The following CFAP61 variants were observed in gnomAD, a reference collection of about 807,000 sequenced individuals.
The protein encoded by CFAP61 is cilia- and flagella-associated protein 61.
A neutral mutation model predicts 135.6 loss-of-function variants in CFAP61; 107 were observed. The ratio of observed to expected loss-of-function variants is 0.79; its 90% confidence interval spans 0.67 to 0.93. The LOEUF is 0.93. Ranked by LOEUF, CFAP61 falls within the 40% of genes least tolerant of loss-of-function variation. The probability of loss-of-function intolerance (pLI) is 0.00; values close to 1 mark genes in which losing one functional copy is unlikely to be tolerated. For missense variants in CFAP61, 1,507 were observed against 1,556.2 expected, an observed-to-expected ratio of 0.97 and a Z score of 0.53; for synonymous variants, 575 against 578.5, an observed-to-expected ratio of 0.99 and a Z score of 0.09.
intron 24 of CFAP61, among the ~76,000 whole-genome samples, chr20:20,297,246 G>A (rs567290988): frequency 3.9e-5 from 6 of 152,300 alleles, no homozygotes; most frequent in Non-Finnish European, 8.8e-5. Flanking sequence ...TGATGTCCAG[G>A]ACTAAGTAAA....
chr20:20,066,688 A>G (rs375111962), intron 2 of CFAP61, among the ~76,000 whole-genome samples: 5 of 150,654 alleles, frequency 3.3e-5, no homozygotes, highest in African/African-American at 1.2e-4. Context: ...GGTGGGGGCT[A>G]GGGGAGGGAT....
intron 9 of CFAP61, among the ~76,000 whole-genome samples, chr20:20,157,411 A>G (rs867633855): frequency 3.0e-4 from 45 of 152,212 alleles, no homozygotes; most frequent in African/African-American, 9.4e-4. Context: ...ATAGTGTAAT[A>G]TAGGTGCTAA....
At chr20:20,172,026 C>T (rs573922482) in intron 13 of CFAP61, 4 of 377,678 alleles carry the variant, frequency 1.1e-5, no homozygotes, top group African/African-American at 8.3e-5. Context: ...AACTTGGTTG[C>T]ATGGCCCTAC....
intron 25 of CFAP61, among the ~76,000 whole-genome samples, chr20:20,328,620 T>C (rs1310293599): frequency 6.6e-6 from 1 of 152,040 alleles, no homozygotes. Context: ...AGAGAAAGTA[T>C]TTGCAAACCA....
At position 20,070,836 on chromosome 20, in the gene CFAP61, T is replaced by C; in HGVS notation, c.144-18T>C. 6.2e-7 allele frequency: 1 copy of C among 1,605,764 alleles called. No individual in the cohort carries two copies. Among genetic ancestry groups the C allele is most frequent in the African/African-American group, 1.3e-5 (1 of 74,678 alleles). ...TTTGTAATCTTATTCATGTTTGCAA[T>C]TGTAATCATTTCTGCAGAGAAAAGG... On this transcript the variant is annotated intron_variant, in intron 2 of 26. Transcript: ENST00000245957.
chr20:20,097,518 A>C (rs1197082631), intron 7 of CFAP61, among the ~76,000 whole-genome samples: 1 of 152,248 alleles, frequency 6.6e-6, no homozygotes, highest in East Asian at 1.9e-4. Context: ...CCGTCTCTCC[A>C]TGTGGAATAT....
intron 24 of CFAP61, among the ~76,000 whole-genome samples, chr20:20,291,848 G>C (rs936625543): frequency 1.3e-5 from 2 of 152,170 alleles, no homozygotes; most frequent in African/African-American, 4.8e-5. Context: ...GCTTCCTTTT[G>C]GATATGTCAC....
rs149180655 is a variant in CFAP61, at chr20:20,182,506, C to T, written c.1386-5424C>T. On this transcript the variant is annotated intron_variant, in intron 13 of 26. Transcript: ENST00000245957. ...TGGAGTCAATAGCAGTTCAGCTTCA[C>T]GAGAGCAGAAATTGTGGACTGTCTG... Among the ~76,000 whole-genome samples the T allele has an allele frequency of 4.5e-4, 68 of 151,982 alleles. No homozygotes were observed. The East Asian group carries it at 0.012, about 26-fold the overall frequency.
intron 25 of CFAP61, among the ~76,000 whole-genome samples, chr20:20,325,986 A>G (rs554313941): frequency 6.6e-6 from 1 of 152,310 alleles, no homozygotes; most frequent in South Asian, 2.1e-4. Flanking sequence ...TAAAATGTAT[A>G]TATATTTTTA....
At chr20:20,256,705 T>A (rs2051619135) in intron 20 of CFAP61, among the ~76,000 whole-genome samples, 1 of 152,206 alleles carries the variant, frequency 6.6e-6, no homozygotes, top group Admixed American at 6.5e-5. Context: ...CTGATAGGCA[T>A]GGAGGCAGCA....
intron 21 of CFAP61, among the ~76,000 whole-genome samples, chr20:20,272,980 A>G (rs897969839): frequency 9.9e-5 from 15 of 152,116 alleles, no homozygotes; most frequent in Admixed American, 7.2e-4. Context: ...AACTTCTACA[A>G]ATTCCCAGAA....
At chr20:20,308,710 G>A (rs2056631409) in intron 25 of CFAP61, among the ~76,000 whole-genome samples, 1 of 152,174 alleles carries the variant, frequency 6.6e-6, no homozygotes, top group Non-Finnish European at 1.5e-5. Flanking sequence ...TGGGGTTTAG[G>A]AATGCTGACT....
chr20:20,291,455 T>A (rs2054991573), intron 24 of CFAP61, among the ~76,000 whole-genome samples: 1 of 152,224 alleles, frequency 6.6e-6, no homozygotes, highest in Admixed American at 6.5e-5. Flanking sequence ...CTTAGTAATA[T>A]CCATTTAAGC....
chr20:20,169,181 A>G (rs186399021), intron 12 of CFAP61, 140 bp from the exon 13 acceptor site: 1 of 749,492 alleles, frequency 1.3e-6, no homozygotes, highest in East Asian at 2.8e-5. Context: ...TATTTTCCAA[A>G]TTATAGGAAA....
At chr20:20,294,954 A>ATAG (rs1347712566) in intron 24 of CFAP61, among the ~76,000 whole-genome samples, 2 of 142,122 alleles carry the variant, frequency 1.4e-5, no homozygotes, top group East Asian at 2.0e-4. Context: ...AATAATAATA[A>ATAG]TAATAATAAT....
In CFAP61 at chr20:20,234,287, G is replaced by T. The variant is rs191354249; in HGVS notation, c.2060+5911G>T. ...GAGAGAGGCAGACAGGAGACCCCTT[G>T]CAGGTGAGCAGGTGGGTCAGGGTGA... On this transcript the variant is annotated intron_variant, in intron 18 of 26. Transcript: ENST00000245957. 2.3e-3 allele frequency among the ~76,000 whole-genome samples: 355 copies of T among 152,312 alleles called. 2 individuals are homozygous for T. The highest frequency in any genetic ancestry group is 8.1e-3 in the African/African-American group (337 of 41,566).
chr20:20,172,937 CTGTT>C (rs1434573627), intron 13 of CFAP61, among the ~76,000 whole-genome samples: 1 of 152,232 alleles, frequency 6.6e-6, no homozygotes, highest in Non-Finnish European at 1.5e-5. Flanking sequence ...TGTGCTCTGT[CTGTT>C]CGTCCCTCGT....
chr20:20,109,765 A>G (rs1175899999), intron 8 of CFAP61, among the ~76,000 whole-genome samples: 1 of 152,132 alleles, frequency 6.6e-6, no homozygotes, highest in Non-Finnish European at 1.5e-5. Context: ...TGGTCTTTTC[A>G]AAGAGCTAGC....
chr20:20,085,082 A>G, intron 6 of CFAP61: 1 of 984,172 alleles, frequency 1.0e-6, no homozygotes, highest in Non-Finnish European at 1.2e-6. Flanking sequence ...AGAGAATTGT[A>G]CTATTTCCGT....
Sources: allele counts gnomAD v4.1 joint callset (sites outside exome capture counted in the v4.1 genomes callset), GRCh38; gene constraint gnomAD v4.1.1; transcripts MANE v1.5; gene names NCBI Gene and HGNC (gene_info 2026-07-23, HGNC 2026-07-21).